SPATS2L: variants seen among roughly 807,000 people sequenced by gnomAD.
SPATS2L encodes spermatogenesis associated serine rich 2 like.
In SPATS2L, 30 loss-of-function variants were observed where a neutral mutation model predicts 59.6. The observed-to-expected ratio is 0.50, with a 90% confidence interval of 0.38 to 0.68. The LOEUF is 0.68. Among genes scored for constraint, SPATS2L ranks in the 30% least tolerant of loss-of-function variants. The pLI is 0.00. For missense variants in SPATS2L, 615 were observed against 700.0 expected, an observed-to-expected ratio of 0.88 and a Z score of 1.37; for synonymous variants, 252 against 263.5, an observed-to-expected ratio of 0.96 and a Z score of 0.42.
rs1471119565 is a variant in SPATS2L, at chr2:200,444,655, C to T, written c.788+3871C>T. Among the ~76,000 whole-genome samples, 7 of 151,966 alleles carry T rather than the reference C, an allele frequency of 4.6e-5. No homozygotes were observed. In the South Asian group the frequency reaches 6.2e-4, roughly 14 times the overall value. On this transcript the variant is annotated intron_variant, in intron 8 of 12. Transcript: ENST00000409140. ...CCTATACTTTGTGTTTCTTTTTTCC[C>T]GAAGCAATGCCAAGTCTGGCCCAAG...
At position 200,479,650 on chromosome 2, in the gene SPATS2L, C is replaced by T. The variant is rs747653050; in HGVS notation, c.*1619C>T. On this transcript the variant is annotated 3_prime_UTR_variant, in exon 13 of 13. Coordinates refer to ENST00000409140, the MANE Select transcript of SPATS2L (RefSeq NM_001100423.2). ...GGCAGTCCAGTTTGGGTGCCGCTTC[C>T]GTTGCACTCACATGTCCTACATATC... The T allele has an allele frequency of 1.5e-5, 6 of 398,508 alleles. No individual in the cohort carries two copies. In the East Asian group the frequency reaches 1.8e-4, roughly 12 times the overall value. 24.7% of individuals were successfully genotyped at this position (398,508 alleles called of 1,614,324 possible). A position where few individuals can be genotyped will look rare whatever the true frequency, so the allele number is the denominator to read the frequency against.
At position 200,481,489 on chromosome 2, in the gene SPATS2L, C is replaced by T. The variant is rs1316049525; in HGVS notation, c.*3458C>T. On this transcript the variant is annotated 3_prime_UTR_variant, in exon 13 of 13. Transcript: ENST00000409140. ...CCACCCCGACGCAGGCACAGGTCCG[C>T]AACCAGATAGGGAGATGCCTGAATT... is the stretch of plus-strand genomic sequence containing the variant. 1 of 152,252 alleles carries T rather than the reference C, an allele frequency of 6.6e-6. No individual in the cohort carries two copies. Among genetic ancestry groups the T allele is most frequent in the Non-Finnish European group, 1.5e-5 (1 of 68,068 alleles). The allele number at this position is 152,252 out of a possible 1,614,324, so 9.4% of individuals were successfully genotyped here. A position where few individuals can be genotyped will look rare whatever the true frequency, so the allele number is the denominator to read the frequency against.
chr2:200,455,980 C>T (rs986383167), intron 8 of SPATS2L, among the ~76,000 whole-genome samples: 10 of 152,274 alleles, frequency 6.6e-5, no homozygotes, highest in Admixed American at 3.9e-4. Flanking sequence ...GTCTGGCACT[C>T]GCTTGATGTA....
chr2:200,413,769 C>G (rs570213307), intron 4 of SPATS2L, among the ~76,000 whole-genome samples: 155 of 152,268 alleles, frequency 1.0e-3, no homozygotes, highest in African/African-American at 3.5e-3. Context: ...TATCAGCAGT[C>G]AAGGTTTAGG....
At chr2:200,415,657 G>GTAATT (rs922681412) in intron 4 of SPATS2L, among the ~76,000 whole-genome samples, 2 of 151,932 alleles carry the variant, frequency 1.3e-5, no homozygotes, top group Admixed American at 6.6e-5. Context: ...TTAATGTCTT[G>GTAATT]TAATTTAATT....
At chr2:200,411,697 T>G (rs772097055) in intron 3 of SPATS2L, among the ~76,000 whole-genome samples, 4 of 152,028 alleles carry the variant, frequency 2.6e-5, no homozygotes, top group African/African-American at 7.3e-5. Context: ...ATTGAAATCC[T>G]TAGTGGATAT....
At chr2:200,464,788 A>G (rs1009462375) in intron 9 of SPATS2L, among the ~76,000 whole-genome samples, 1 of 151,986 alleles carries the variant, frequency 6.6e-6, no homozygotes, top group Non-Finnish European at 1.5e-5. Flanking sequence ...AACAGAATTA[A>G]TTTTTTTAAT....
intron 5 of SPATS2L, 44 bp from the exon 6 acceptor site, chr2:200,419,206 G>C: frequency 6.6e-7 from 1 of 1,503,930 alleles, no homozygotes; most frequent in Non-Finnish European, 8.9e-7. Context: ...TATATTTCAA[G>C]AGTCTGAGTT....
intron 1 of SPATS2L, among the ~76,000 whole-genome samples, chr2:200,326,939 GTTTTGCCA>G (rs2079770177): frequency 7.0e-6 from 1 of 143,398 alleles, no homozygotes; most frequent in Non-Finnish European, 1.5e-5. Flanking sequence ...CAGAGTTGGG[GTTTTGCCA>G]TGTTGGCCAG....
chr2:200,337,003 G>A (rs557298468), intron 2 of SPATS2L, among the ~76,000 whole-genome samples: 10 of 152,228 alleles, frequency 6.6e-5, no homozygotes, highest in African/African-American at 2.4e-4. Context: ...TGGTAATAAC[G>A]ATCATTAGTT....
Position 200,467,302 on chromosome 2 carries a change from C to T in SPATS2L, c.860C>T (p.Thr287Ile), listed in dbSNP as rs954450926. ...KVKEEAMEIL[T>I]ARQKKAEELK... ...CCTTATTTGGCAGTGGAAATCCTGACTGCTCGTCAGAAGAAAGCAGAAGAA... is the reference window on the plus strand; with the variant it reads ...CCTTATTTGGCAGTGGAAATCCTGATTGCTCGTCAGAAGAAAGCAGAAGAA... Residue 287 changes from threonine to isoleucine, a missense_variant, in exon 10 of 13, where the codon ACT (threonine) becomes ATT (isoleucine). By Grantham distance (89) the Thr-to-Ile change is moderately conservative (BLOSUM62 -1). Coordinates refer to ENST00000409140, the MANE Select transcript of SPATS2L (RefSeq NM_001100423.2). 5 of 1,613,600 alleles carry T rather than the reference C, an allele frequency of 3.1e-6. No individual in the cohort carries two copies. The highest frequency in any genetic ancestry group is 1.6e-4 in the Middle Eastern group (1 of 6,062).
intron 1 of SPATS2L, among the ~76,000 whole-genome samples, chr2:200,321,997 A>G (rs2079575242): frequency 6.6e-6 from 1 of 152,234 alleles, no homozygotes; most frequent in Non-Finnish European, 1.5e-5. Flanking sequence ...GTTCATGCCT[A>G]TCTTTTTGAG....
chr2:200,423,569 G>A (rs1200113044), intron 6 of SPATS2L, among the ~76,000 whole-genome samples: 2 of 152,114 alleles, frequency 1.3e-5, no homozygotes, highest in African/African-American at 4.8e-5. Context: ...AGGTAATGGA[G>A]AGTTACTGCT....
intron 6 of SPATS2L, among the ~76,000 whole-genome samples, chr2:200,434,479 T>C (rs1353208979): frequency 2.0e-5 from 3 of 151,352 alleles, no homozygotes; most frequent in East Asian, 1.9e-4. Flanking sequence ...TTAAGAAATC[T>C]ACAAAAAAAA....
intron 6 of SPATS2L, among the ~76,000 whole-genome samples, chr2:200,431,744 A>G (rs1213725794): frequency 1.3e-5 from 2 of 152,246 alleles, no homozygotes. Context: ...AGAAACTTTC[A>G]AATTTGAATA....
intron 2 of SPATS2L, among the ~76,000 whole-genome samples, chr2:200,388,235 G>A (rs1574354762): frequency 6.6e-6 from 1 of 152,072 alleles, no homozygotes. Context: ...TTTAGATATG[G>A]TGGTCACCTC....
chr2:200,353,654 G>A (rs1336110834), intron 2 of SPATS2L, among the ~76,000 whole-genome samples: 1 of 151,618 alleles, frequency 6.6e-6, no homozygotes, highest in Non-Finnish European at 1.5e-5. Context: ...AAAGAAATCT[G>A]ACTTAGTTTA....
intron 2 of SPATS2L, among the ~76,000 whole-genome samples, chr2:200,339,255 T>G (rs550589408): frequency 7.9e-5 from 12 of 152,328 alleles, no homozygotes; most frequent in African/African-American, 2.4e-4. Flanking sequence ...TTTCTTTTTT[T>G]TTATGCTTCT....
At chr2:200,455,733 A>G (rs1010631061) in intron 8 of SPATS2L, among the ~76,000 whole-genome samples, 4 of 152,088 alleles carry the variant, frequency 2.6e-5, no homozygotes, top group Admixed American at 1.3e-4. Context: ...TGGTAACTCC[A>G]TACCAGGGCT....
Sources: allele counts gnomAD v4.1 joint callset (sites outside exome capture counted in the v4.1 genomes callset), GRCh38; gene constraint gnomAD v4.1.1; transcripts MANE v1.5; gene names NCBI Gene and HGNC (gene_info 2026-07-23, HGNC 2026-07-21).